The following POLR3B variants were observed in gnomAD, a reference collection of about 807,000 sequenced individuals.
The protein encoded by POLR3B is DNA-directed RNA polymerase III subunit RPC2.
A neutral mutation model predicts 147.4 loss-of-function variants in POLR3B; 96 were observed. The ratio of observed to expected loss-of-function variants is 0.65; its 90% CI spans 0.55 to 0.77. The LOEUF (loss-of-function observed/expected upper bound fraction) is 0.77. Ranked by LOEUF, POLR3B falls within the 30% of genes least tolerant of loss-of-function variation. POLR3B has a pLI of 0.00. For synonymous variants in POLR3B, 461 were observed against 485.9 expected, an observed-to-expected ratio of 0.95 and a Z score of 0.67; for missense variants, 1,036 against 1,413.5, an observed-to-expected ratio of 0.73 and a Z score of 4.28.
In POLR3B at chr12:106,472,607, T is replaced by C. The variant is rs1465471486; in HGVS notation, c.2713+8987T>C. 9.9e-5 allele frequency among the ~76,000 whole-genome samples: 15 copies of C among 151,218 alleles called. No homozygotes were observed. In the East Asian group the frequency reaches 2.5e-3, roughly 25 times the overall value. ...GTGCTTTTGATTTGCATTTCTCTGA[T>C]GGCCAGTGATGATGAGCATTTTTTC... On this transcript the variant is annotated intron_variant, in intron 23 of 27. Transcript: ENST00000228347.
intron 19 of POLR3B, among the ~76,000 whole-genome samples, chr12:106,445,517 G>A (rs1374239392): frequency 6.6e-6 from 1 of 152,056 alleles, no homozygotes; most frequent in Non-Finnish European, 1.5e-5. Context: ...GAGGCGTGAA[G>A]GGGAGGTGCC....
intron 10 of POLR3B, among the ~76,000 whole-genome samples, chr12:106,394,785 T>C (rs1466839778): frequency 6.6e-6 from 1 of 152,182 alleles, no homozygotes; most frequent in Non-Finnish European, 1.5e-5. Flanking sequence ...GAAAGACAAA[T>C]GTTCCTTTTC....
At position 106,377,549 on chromosome 12, in the gene POLR3B, C is replaced by T. The variant is rs143041732; in HGVS notation, c.497-718C>T. On this transcript the variant is annotated intron_variant, in intron 7 of 27. Transcript: ENST00000228347. ...TGAATATGGAATATTATTTTGGAAA[C>T]CTAATCTTAATCTACCATTACCACT... Among the ~76,000 whole-genome samples, 168 of 152,226 alleles carry T rather than the reference C, an allele frequency of 1.1e-3. 2 individuals are homozygous for T. The highest frequency in any genetic ancestry group is 3.9e-3 in the African/African-American group (163 of 41,524).
chr12:106,398,408 A>G (rs1390505182), intron 10 of POLR3B, among the ~76,000 whole-genome samples: 8 of 152,230 alleles, frequency 5.3e-5, no homozygotes, highest in Admixed American at 5.2e-4. Flanking sequence ...CTCTGGGGGC[A>G]GGGCACAGAC....
At chr12:106,427,073 T>A in intron 12 of POLR3B, 124 bp from the exon 13 acceptor site, 1 of 683,836 alleles carries the variant, frequency 1.5e-6, no homozygotes, top group Non-Finnish European at 2.5e-6. Context: ...AAAATAGCAA[T>A]TTTTTTTCTG....
intron 22 of POLR3B, among the ~76,000 whole-genome samples, chr12:106,462,853 TC>T: frequency 6.6e-6 from 1 of 152,164 alleles, no homozygotes; most frequent in East Asian, 1.9e-4. Flanking sequence ...GCTTGCCACT[TC>T]CTGCCACCAC....
At chr12:106,466,604 C>G (rs1460027967) in intron 23 of POLR3B, among the ~76,000 whole-genome samples, 1 of 152,090 alleles carries the variant, frequency 6.6e-6, no homozygotes, top group Non-Finnish European at 1.5e-5. Context: ...TTAGGTCTTT[C>G]ATCCATCTTG....
In POLR3B at chr12:106,415,776, G is replaced by A. The variant is rs150590095; in HGVS notation, c.1101+4816G>A. On this transcript the variant is annotated intron_variant, in intron 12 of 27. Transcript: ENST00000228347. The stretch of plus-strand genomic sequence containing the variant: ...TGTAAAATAGCAGAAGTCATTCTTA[G>A]TAAACATTTAAAAAAATAGCATAGC... 1.6e-4 allele frequency among the ~76,000 whole-genome samples: 24 copies of A among 152,192 alleles called. No homozygotes were observed. In the East Asian group the frequency reaches 4.4e-3, roughly 28 times the overall value.
At position 106,446,358 on chromosome 12, in the gene POLR3B, A is replaced by G. The variant is rs1418692970; in HGVS notation, c.2083+1768A>G. On this transcript the variant is annotated intron_variant, in intron 19 of 27. Coordinates refer to ENST00000228347, the MANE Select transcript of POLR3B (RefSeq NM_018082.6). ...CTATGTAGTGAAGCTTTTTTAAAAA[A>G]TAAAGAATAGACTTGAAAGAAAGAA... 3 of 423,276 alleles carry G rather than the reference A, an allele frequency of 7.1e-6. No homozygotes were observed. In the East Asian group the frequency reaches 2.2e-4, roughly 31 times the overall value. The allele number at this position is 423,276 out of a possible 1,614,324, so 26.2% of individuals were successfully genotyped here.
chr12:106,432,376 A>C lies in POLR3B; in HGVS notation c.1523A>C (p.Asp508Ala), dbSNP rs1481879743. Reference protein sequence around the residue: ...LMTHITTDMEDGPIVKLASNL... With the variant: ...LMTHITTDMEAGPIVKLASNL... ...ACACACATCACAACTGATATGGAAG[A>C]TGGACCCATTGTTAAATTAGCCAGT... The change falls in exon 15 of 28, where the codon GAT (aspartate) becomes GCT (alanine). Residue 508 changes from aspartate (D) to alanine (A), a missense_variant. Asp to Ala is a moderately radical substitution (Grantham distance 126). Coordinates refer to ENST00000228347, the MANE Select transcript of POLR3B (RefSeq NM_018082.6). 6.2e-7 allele frequency: 1 copy of C among 1,613,812 alleles called. No individual in the cohort carries two copies. Among genetic ancestry groups the C allele is most frequent in the East Asian group, 2.2e-5 (1 of 44,856 alleles).
At chr12:106,377,958 C>T (rs73390657) in intron 7 of POLR3B, among the ~76,000 whole-genome samples, 1 of 152,242 alleles carries the variant, frequency 6.6e-6, no homozygotes, top group East Asian at 1.9e-4. Flanking sequence ...TGTGGTGGCA[C>T]ATGCCTCTAG....
At chr12:106,373,629 C>G (rs1029563786) in intron 6 of POLR3B, among the ~76,000 whole-genome samples, 1 of 152,010 alleles carries the variant, frequency 6.6e-6, no homozygotes, top group Non-Finnish European at 1.5e-5. Context: ...TGGTACATAT[C>G]TGTAATCCCA....
At chr12:106,430,189 AATGAACTTCTT>A in intron 13 of POLR3B, 73 bp from the exon 14 acceptor site, 1 of 951,132 alleles carries the variant, frequency 1.1e-6, no homozygotes, top group Non-Finnish European at 1.7e-6. Flanking sequence ...AAGCTCCTGT[AATGAACTTCTT>A]GGAGTGACCG....
rs2038477940 is a variant in POLR3B at position 106,496,052 on chromosome 12, C to T, written c.2714-3C>T. The T allele has an allele frequency of 6.3e-7, 1 of 1,577,934 alleles. No individual in the cohort carries two copies. Among genetic ancestry groups the T allele is most frequent in the Admixed American group, 1.7e-5 (1 of 59,960 alleles). ...ATGTGGCATGAAATCTTCTCTCCCCCAGGTGTTTGTGGCTTGATCGTCCCC... is the reference window on the plus strand; with the variant it reads ...ATGTGGCATGAAATCTTCTCTCCCCTAGGTGTTTGTGGCTTGATCGTCCCC... On this transcript the variant is annotated splice_polypyrimidine_tract_variant and splice_region_variant and intron_variant, in intron 23 of 27. Transcript: ENST00000228347.
chr12:106,366,863 G>C (rs1473946671), intron 4 of POLR3B, 141 bp downstream of exon 4: 3 of 703,586 alleles, frequency 4.3e-6, no homozygotes, highest in Non-Finnish European at 7.5e-6. Context: ...AAGCACTTTG[G>C]GAGGCCGAGG....
intron 7 of POLR3B, 99 bp from the exon 8 acceptor site, chr12:106,378,168 G>A: frequency 1.3e-6 from 1 of 795,808 alleles, no homozygotes; most frequent in Admixed American, 1.7e-5. Flanking sequence ...TGAAGCAGTA[G>A]TAGAAAAGGT....
intron 19 of POLR3B, among the ~76,000 whole-genome samples, chr12:106,445,591 C>T (rs1442097725): frequency 6.6e-6 from 1 of 151,472 alleles, no homozygotes; most frequent in Non-Finnish European, 1.5e-5. Flanking sequence ...TGCCCCCTGA[C>T]CCCGCCAAAA....
chr12:106,486,621 G>A (rs1244836104), intron 23 of POLR3B, among the ~76,000 whole-genome samples: 2 of 152,080 alleles, frequency 1.3e-5, no homozygotes, highest in African/African-American at 4.8e-5. Context: ...TCCTGGATAA[G>A]CAGCTTTACA....
chr12:106,456,745 T>C (rs1301082445), intron 20 of POLR3B, among the ~76,000 whole-genome samples: 1 of 152,182 alleles, frequency 6.6e-6, no homozygotes, highest in African/African-American at 2.4e-5. Context: ...ACCTCACTCC[T>C]AGTGCCTGTA....
Sources: gnomAD v4.1 joint callset for allele counts (sites outside exome capture counted in the v4.1 genomes callset) on GRCh38, gnomAD v4.1.1 for gene constraint, MANE v1.5 for transcripts, NCBI Gene and HGNC (gene_info 2026-07-23, HGNC 2026-07-21) for gene names.